The following RBFOX1 variants were observed in gnomAD, a reference collection of about 807,000 sequenced individuals.
RBFOX1 encodes RNA binding fox-1 homolog 1, also known as RNA binding protein fox-1 homolog 1.
RBFOX1 carries 8 observed loss-of-function variants against 57.7 expected under a neutral mutation model. The ratio of observed to expected loss-of-function variants is 0.14; its 90% CI spans 0.08 to 0.25. RBFOX1 has a LOEUF of 0.25. Ranked by LOEUF, RBFOX1 falls within the 10% of genes least tolerant of loss-of-function variation. The pLI is 1.00. For synonymous variants in RBFOX1, 326 were observed against 222.4 expected (o/e 1.47, Z -4.15); for missense variants, 611 against 548.5 (o/e 1.11, Z -1.14).
chr16:7,515,525 A>G (rs2076172844), intron 4 of RBFOX1, among the ~76,000 whole-genome samples: 1 of 152,152 alleles, frequency 6.6e-6, no homozygotes, highest in African/African-American at 2.4e-5. Flanking sequence ...TGTAGAAGTG[A>G]TGGATATGCT....
intron 4 of RBFOX1, among the ~76,000 whole-genome samples, chr16:5,959,619 C>T (rs1365686872): frequency 6.6e-6 from 1 of 152,154 alleles, no homozygotes; most frequent in Non-Finnish European, 1.5e-5. Context: ...AAAAATACAA[C>T]TGAGTTTGGA....
chr16:6,498,883 T>C (rs1036564292), intron 2 of RBFOX1, among the ~76,000 whole-genome samples: 1 of 152,184 alleles, frequency 6.6e-6, no homozygotes, highest in African/African-American at 2.4e-5. Context: ...ATCCCTCAAC[T>C]AAAATACTGA....
intron 4 of RBFOX1, among the ~76,000 whole-genome samples, chr16:7,111,183 T>C (rs1040053596): frequency 6.6e-6 from 1 of 152,208 alleles, no homozygotes; most frequent in African/African-American, 2.4e-5. Context: ...TATTCTGCAA[T>C]GCTCAGTATT....
chr16:7,307,478 T>G (rs2142347102), intron 4 of RBFOX1, among the ~76,000 whole-genome samples: 1 of 152,340 alleles, frequency 6.6e-6, no homozygotes, highest in Middle Eastern at 3.4e-3. Context: ...CTTAGGCCAA[T>G]GAAGAAGCAA....
At chr16:6,545,761 G>T (rs997959889) in intron 2 of RBFOX1, among the ~76,000 whole-genome samples, 1 of 152,228 alleles carries the variant, frequency 6.6e-6, no homozygotes, top group African/African-American at 2.4e-5. Context: ...ACTTGAGGCT[G>T]ATGGCATCTT....
At chr16:7,696,409 C>G (rs2078806448) in intron 14 of RBFOX1, among the ~76,000 whole-genome samples, 1 of 151,970 alleles carries the variant, frequency 6.6e-6, no homozygotes, top group African/African-American at 2.4e-5. Flanking sequence ...ATTTTCCCTT[C>G]TTAGACGGGA....
chr16:6,949,918 G>A (rs2080345722), intron 3 of RBFOX1, among the ~76,000 whole-genome samples: 1 of 149,840 alleles, frequency 6.7e-6, no homozygotes, highest in Non-Finnish European at 1.5e-5. Context: ...AGCGTAGGTA[G>A]CTCCTTCCCT....
chr16:6,574,109 A>C (rs1428586839), intron 2 of RBFOX1, among the ~76,000 whole-genome samples: 2 of 152,174 alleles, frequency 1.3e-5, no homozygotes, highest in African/African-American at 4.8e-5. Flanking sequence ...AGAGGGAAAC[A>C]CTTGAGCTGC....
chr16:7,221,872 C>T (rs1046101639), intron 4 of RBFOX1, among the ~76,000 whole-genome samples: 2 of 152,172 alleles, frequency 1.3e-5, no homozygotes, highest in African/African-American at 4.8e-5. Flanking sequence ...GATTTAACTT[C>T]ATAAATCCAC....
intron 2 of RBFOX1, among the ~76,000 whole-genome samples, chr16:6,458,409 C>A (rs1352558281): frequency 6.6e-6 from 1 of 152,168 alleles, no homozygotes; most frequent in Non-Finnish European, 1.5e-5. Context: ...AGCCGTAGAA[C>A]CAGACTCATT....
intron 3 of RBFOX1, among the ~76,000 whole-genome samples, chr16:6,936,335 A>G (rs1192524809): frequency 6.6e-6 from 1 of 152,204 alleles, no homozygotes; most frequent in Non-Finnish European, 1.5e-5. Context: ...TTTAATTACC[A>G]AGTTGTTGAA....
chr16:5,917,247 T>C (rs1309811554), intron 4 of RBFOX1, among the ~76,000 whole-genome samples: 4 of 152,206 alleles, frequency 2.6e-5, no homozygotes, highest in Non-Finnish European at 5.9e-5. Flanking sequence ...AGGGCTCCAG[T>C]GTTTTAAAAC....
intron 1 of RBFOX1, among the ~76,000 whole-genome samples, chr16:5,434,569 C>T (rs1333623939): frequency 6.6e-6 from 1 of 151,936 alleles, no homozygotes; most frequent in African/African-American, 2.4e-5. Flanking sequence ...CTGCCCGACA[C>T]AGCCTAACCA....
chr16:7,497,253 C>T (rs1304344753), intron 4 of RBFOX1, among the ~76,000 whole-genome samples: 1 of 152,154 alleles, frequency 6.6e-6, no homozygotes, highest in Non-Finnish European at 1.5e-5. Flanking sequence ...AAATCTTCAC[C>T]ACACCTATAC....
intron 14 of RBFOX1, among the ~76,000 whole-genome samples, chr16:7,697,166 G>T (rs1365309415): frequency 6.6e-6 from 1 of 152,186 alleles, no homozygotes; most frequent in African/African-American, 2.4e-5. Context: ...GGGCAATGGG[G>T]GGGCCCTTAC....
At chr16:5,432,192 T>G (rs1420661243) in intron 1 of RBFOX1, among the ~76,000 whole-genome samples, 1 of 152,154 alleles carries the variant, frequency 6.6e-6, no homozygotes, top group African/African-American at 2.4e-5. Flanking sequence ...ATCACAACCA[T>G]TAGAAATCTG....
At chr16:5,891,831 G>C (rs1393308331) in intron 4 of RBFOX1, among the ~76,000 whole-genome samples, 2 of 152,166 alleles carry the variant, frequency 1.3e-5, no homozygotes, top group Admixed American at 1.3e-4. Flanking sequence ...GACCTTGATG[G>C]AGGCTTGGAG....
intron 4 of RBFOX1, among the ~76,000 whole-genome samples, chr16:7,260,597 T>A (rs1281701290): frequency 6.6e-6 from 1 of 152,180 alleles, no homozygotes; most frequent in Non-Finnish European, 1.5e-5. Context: ...GTAGAGACGC[T>A]ATGTAGGTAA....
chr16:6,728,627 C>G (rs1044886205), intron 3 of RBFOX1, among the ~76,000 whole-genome samples: 2 of 152,072 alleles, frequency 1.3e-5, no homozygotes, highest in Non-Finnish European at 2.9e-5. Flanking sequence ...TTGGAGCTGC[C>G]CCACGCTGGC....
Sources: gnomAD v4.1 joint callset for allele counts (sites outside exome capture counted in the v4.1 genomes callset) on GRCh38, gnomAD v4.1.1 for gene constraint, MANE v1.5 for transcripts, NCBI Gene and HGNC (gene_info 2026-07-23, HGNC 2026-07-21) for gene names.